Variants in TLE1 observed in about 807,000 individuals in gnomAD.
TLE1 encodes TLE family member 1, transcriptional corepressor.
Under a neutral mutation model 89.8 loss-of-function variants are expected in TLE1, and 21 were observed. The ratio of observed to expected loss-of-function variants is 0.23; its 90% CI spans 0.17 to 0.34. TLE1 has a LOEUF of 0.34. Ranked by LOEUF, TLE1 falls within the 10% of genes least tolerant of loss-of-function variation. The pLI, the probability that TLE1 is intolerant of heterozygous loss-of-function variation, is 1.00. For missense variants in TLE1, 795 were observed against 1,031.2 expected (o/e 0.77, Z 3.14); for synonymous variants, 447 against 407.6 (o/e 1.10, Z -1.16).
intron 4 of TLE1, among the ~76,000 whole-genome samples, chr9:81,678,688 G>A (rs1833210380): frequency 6.6e-6 from 1 of 152,100 alleles, no homozygotes; most frequent in African/African-American, 2.4e-5. Context: ...GGTGGCACGT[G>A]CCTGTAATCC....
At chr9:81,598,422 T>C (rs1017608410) in intron 14 of TLE1, among the ~76,000 whole-genome samples, 1 of 152,166 alleles carries the variant, frequency 6.6e-6, no homozygotes, top group African/African-American at 2.4e-5. Flanking sequence ...GGTCCTAACC[T>C]TTCCTATTAA....
intron 16 of TLE1, among the ~76,000 whole-genome samples, chr9:81,588,967 T>G (rs1829035694): frequency 1.3e-5 from 2 of 152,198 alleles, no homozygotes; most frequent in South Asian, 4.1e-4. Context: ...CCCTAAATTC[T>G]AAGCCAAGAC....
In TLE1 at chr9:81,687,346, G is replaced by C; in HGVS notation, c.113C>G (p.Ala38Gly). 1.9e-6 allele frequency: 3 copies of C among 1,606,024 alleles called. No individual in the cohort carries two copies. The highest frequency in any genetic ancestry group is 3.4e-5 in the Admixed American group (2 of 59,070). The stretch of plus-strand genomic sequence containing the variant: ...GCCGGACACGCACCTGTGATACTGC[G>C]CCTGCAGGAACTGGAATTCCTCTTT... ...RIKEEFQFLQ[A>G]QYHSLKLECE... The change falls in exon 2 of 20, where the codon GCG (alanine) becomes GGG (glycine). Residue 38 changes from alanine (A) to glycine (G), a missense_variant. Ala to Gly is a moderately conservative substitution (Grantham distance 60, BLOSUM62 0). Transcript: ENST00000376499.
chr9:81,599,725 G>A (rs757207712), intron 14 of TLE1: 17 of 181,400 alleles, frequency 9.4e-5, no homozygotes, highest in East Asian at 5.2e-4. Flanking sequence ...GGCCATTTGC[G>A]TATTCTTCCA....
At chr9:81,660,616 CTG>C (rs1398520575) in intron 4 of TLE1, among the ~76,000 whole-genome samples, 1 of 150,694 alleles carries the variant, frequency 6.6e-6, no homozygotes, top group Non-Finnish European at 1.5e-5. Flanking sequence ...CGGGGTTTCA[CTG>C]TGTTAGCCAG....
chr9:81,615,748 G>A (rs915524366), intron 11 of TLE1, among the ~76,000 whole-genome samples: 4 of 150,952 alleles, frequency 2.6e-5, no homozygotes, highest in Non-Finnish European at 5.9e-5. Flanking sequence ...AGAAGAAGAA[G>A]GCAATGAACA....
In TLE1 at chr9:81,685,737, GAATC is replaced by G. The variant is rs776581986; in HGVS notation, c.190-21_190-18del. ...TTCATAATACTGTAAAGAGAAAAAA[GAATC>G]AAGCATTTCATTAACTCATGTTTTT... On this transcript the variant is annotated intron_variant, in intron 3 of 19. Coordinates refer to ENST00000376499, the MANE Select transcript of TLE1 (RefSeq NM_005077.5). 3.7e-6 allele frequency: 6 copies of G among 1,612,514 alleles called. No individual in the cohort carries two copies. The highest frequency in any genetic ancestry group is 2.2e-5 in the East Asian group (1 of 44,856).
At chr9:81,637,525 T>C (rs1289326255) in intron 6 of TLE1, among the ~76,000 whole-genome samples, 1 of 152,154 alleles carries the variant, frequency 6.6e-6, no homozygotes, top group Non-Finnish European at 1.5e-5. Context: ...TAACTGGCCA[T>C]GGGTAACTTC....
intron 10 of TLE1, among the ~76,000 whole-genome samples, chr9:81,616,349 TC>T (rs1824514116): frequency 6.6e-6 from 1 of 151,968 alleles, no homozygotes; most frequent in African/African-American, 2.4e-5. Flanking sequence ...GTCATATCCC[TC>T]TTTGTGCCTC....
chr9:81,636,549 G>C (rs1827389254), intron 6 of TLE1, among the ~76,000 whole-genome samples: 1 of 151,894 alleles, frequency 6.6e-6, no homozygotes, highest in South Asian at 2.1e-4. Context: ...AAGCAGAGGG[G>C]AAGGAATCTA....
At chr9:81,646,864 C>CA (rs1828921440) in intron 6 of TLE1, among the ~76,000 whole-genome samples, 1 of 152,080 alleles carries the variant, frequency 6.6e-6, no homozygotes, top group African/African-American at 2.4e-5. Flanking sequence ...TTAAAATATA[C>CA]AAAATCAGAT....
In TLE1 at chr9:81,615,964, TCA is replaced by T; in HGVS notation, c.918+16_918+17del. ...AAATACACTGCCAAACAGGCAAGTGTCAGTTTTCTTTACCTACCAAGCTCATT... is the reference window on the plus strand; with the variant it reads ...AAATACACTGCCAAACAGGCAAGTGTGTTTTCTTTACCTACCAAGCTCATT... On this transcript the variant is annotated intron_variant, in intron 11 of 19. Transcript: ENST00000376499. 1 of 1,612,766 alleles carries T rather than the reference TCA, an allele frequency of 6.2e-7. No individual in the cohort carries two copies. Among genetic ancestry groups the T allele is most frequent in the Non-Finnish European group, 8.5e-7 (1 of 1,179,894 alleles).
intron 4 of TLE1, among the ~76,000 whole-genome samples, chr9:81,685,235 C>G (rs1834110130): frequency 6.6e-6 from 1 of 152,116 alleles, no homozygotes; most frequent in Non-Finnish European, 1.5e-5. Flanking sequence ...CACAGATAGT[C>G]ATATACCTTG....
intron 9 of TLE1, among the ~76,000 whole-genome samples, chr9:81,618,229 A>T (rs907495034): frequency 1.3e-5 from 2 of 152,224 alleles, no homozygotes; most frequent in Non-Finnish European, 2.9e-5. Flanking sequence ...TGAATTTATG[A>T]TCTAAACAAT....
At chr9:81,688,020 G>A (rs376383387) in intron 1 of TLE1, among the ~76,000 whole-genome samples, 197 bp downstream of exon 1, 136 of 152,144 alleles carry the variant, frequency 8.9e-4, no homozygotes, top group Non-Finnish European at 1.6e-3. Context: ...GTAGGAAGGA[G>A]CCCAAAGGGA....
chr9:81,683,511 G>A (rs1833879618), intron 4 of TLE1, among the ~76,000 whole-genome samples: 2 of 152,234 alleles, frequency 1.3e-5, no homozygotes, highest in Middle Eastern at 3.4e-3. Flanking sequence ...GACGTCACCA[G>A]TTTTAATAAG....
intron 8 of TLE1, among the ~76,000 whole-genome samples, chr9:81,630,600 G>A (rs1826458788): frequency 6.6e-6 from 1 of 151,966 alleles, no homozygotes; most frequent in Non-Finnish European, 1.5e-5. Flanking sequence ...TGATTTCAAG[G>A]GTATCAAGAT....
At chr9:81,615,933 A>G (rs1489714174) in intron 11 of TLE1, 49 bp downstream of exon 11, 1 of 1,608,160 alleles carries the variant, frequency 6.2e-7, no homozygotes, top group East Asian at 2.2e-5. Context: ...TCCAGTCCAC[A>G]ATGAAAAATA....
intron 4 of TLE1, among the ~76,000 whole-genome samples, chr9:81,667,240 T>C (rs1320056935): frequency 6.6e-6 from 1 of 151,614 alleles, no homozygotes; most frequent in African/African-American, 2.4e-5. Flanking sequence ...TGGCTAGAAA[T>C]ACAAAAATTA....
Sources: allele counts gnomAD v4.1 joint callset (sites outside exome capture counted in the v4.1 genomes callset), GRCh38; gene constraint gnomAD v4.1.1; transcripts MANE v1.5; gene names NCBI Gene and HGNC (gene_info 2026-07-23, HGNC 2026-07-21).